MED12L: variants seen among roughly 807,000 people sequenced by gnomAD.
MED12L encodes the protein mediator complex subunit 12L, also known as mediator of RNA polymerase II transcription subunit 12-like protein.
In MED12L, 60 loss-of-function variants were observed where a neutral mutation model predicts 281.3. The observed-to-expected ratio is 0.21, with a 90% CI of 0.17 to 0.26. MED12L has a LOEUF of 0.26. Among genes scored for constraint, MED12L ranks in the 10% least tolerant of loss-of-function variants. The probability of loss-of-function intolerance (pLI) is 1.00; values close to 1 mark genes in which losing one functional copy is unlikely to be tolerated. For missense variants in MED12L, 2,146 were observed against 2,680.9 expected (o/e 0.80, Z 4.41); for synonymous variants, 974 against 987.2 (o/e 0.99, Z 0.25).
intron 4 of MED12L, among the ~76,000 whole-genome samples, chr3:151,125,375 G>A (rs1246971155): frequency 2.0e-5 from 3 of 152,164 alleles, no homozygotes; most frequent in East Asian, 3.9e-4. Flanking sequence ...TGAGGTAGAG[G>A]TTTGCATTGT....
At chr3:151,194,835 G>C (rs903547310) in intron 16 of MED12L, among the ~76,000 whole-genome samples, 2 of 152,056 alleles carry the variant, frequency 1.3e-5, no homozygotes, top group Admixed American at 1.3e-4. Flanking sequence ...ATTTCAGGGA[G>C]TCATTTTTTT....
chr3:151,221,725 C>T (rs1423697695), intron 16 of MED12L, among the ~76,000 whole-genome samples: 1 of 152,226 alleles, frequency 6.6e-6, no homozygotes. Context: ...GCCTGGATGT[C>T]CAGGCAGAAG....
chr3:151,169,732 G>A (rs1721191890), intron 11 of MED12L, among the ~76,000 whole-genome samples: 1 of 152,180 alleles, frequency 6.6e-6, no homozygotes, highest in Admixed American at 6.5e-5. Context: ...GTTACGTGTG[G>A]TTAGGATTCA....
At chr3:151,366,939 T>G (rs894612021) in intron 23 of MED12L, among the ~76,000 whole-genome samples, 29 of 152,306 alleles carry the variant, frequency 1.9e-4, no homozygotes, top group Admixed American at 9.8e-4. Context: ...GTGAACCTTA[T>G]GGTGGTGTGC....
intron 16 of MED12L, among the ~76,000 whole-genome samples, chr3:151,218,762 G>A (rs1217917729): frequency 6.6e-6 from 1 of 150,524 alleles, no homozygotes; most frequent in African/African-American, 2.5e-5. Flanking sequence ...AGTTACTTGG[G>A]AGGCTGAGGC....
chr3:151,339,269 C>A (rs544421972), intron 16 of MED12L, among the ~76,000 whole-genome samples: 17 of 151,982 alleles, frequency 1.1e-4, no homozygotes, highest in African/African-American at 4.1e-4. Context: ...ACTTTTCCCC[C>A]CAACGTCCTT....
At position 151,368,619 on chromosome 3, in the gene MED12L, TATTTTATTTTATTTC is replaced by T. The variant is rs1484200875; in HGVS notation, c.3550+373_3550+387del. Among the ~76,000 whole-genome samples, 223 of 80,678 alleles carry T rather than the reference TATTTTATTTTATTTC, an allele frequency of 2.8e-3. 1 individual carries two copies. The highest frequency in any genetic ancestry group is 3.7e-3 in the Non-Finnish European group (159 of 43,102). 52.9% of individuals were successfully genotyped at this position (80,678 alleles called of 152,430 possible). A position where few individuals can be genotyped will look rare whatever the true frequency, so the allele number is the denominator to read the frequency against. On this transcript the variant is annotated intron_variant, in intron 25 of 44. Coordinates refer to ENST00000687756, the MANE Select transcript of MED12L (RefSeq NM_001393769.1). ...TATTTTATTTTATTTTATTTTATTT[TATTTTATTTTATTTC>T]ATTTCATTTCATTTCATTTCATTTC... is the stretch of plus-strand genomic sequence containing the variant.
chr3:151,341,570 T>A (rs1328372206), intron 16 of MED12L, among the ~76,000 whole-genome samples: 2 of 151,208 alleles, frequency 1.3e-5, no homozygotes, highest in Non-Finnish European at 2.9e-5. Context: ...CTTTAACTTT[T>A]TTTTTTTAAT....
intron 16 of MED12L, among the ~76,000 whole-genome samples, chr3:151,194,228 G>C (rs749310244): frequency 5.3e-5 from 8 of 152,058 alleles, no homozygotes; most frequent in Admixed American, 1.3e-4. Context: ...AGGCCTCTCA[G>C]AGTGCTGGGA....
chr3:151,405,999 C>T (rs1002310184), intron 39 of MED12L, among the ~76,000 whole-genome samples: 11 of 152,132 alleles, frequency 7.2e-5, no homozygotes, highest in African/African-American at 2.7e-4. Flanking sequence ...ATTTACTGAG[C>T]ACTTACTATA....
chr3:151,119,749 G>A (rs1053431084), intron 3 of MED12L, among the ~76,000 whole-genome samples: 1 of 151,964 alleles, frequency 6.6e-6, no homozygotes, highest in South Asian at 2.1e-4. Flanking sequence ...TTACACTTCC[G>A]CTACCACTCT....
intron 40 of MED12L, 52 bp downstream of exon 40, chr3:151,409,384 G>A (rs749336778): frequency 3.3e-6 from 5 of 1,535,198 alleles, no homozygotes; most frequent in Admixed American, 1.7e-5. Context: ...GCTCTTTATT[G>A]GAGGTGGGAA....
chr3:151,163,825 TA>T lies in MED12L; in HGVS notation c.1108-67del, dbSNP rs1400580461. ...TACAGTGATGACAGGGTGTCGTTTT[TA>T]CTGTTTAGCTATTGTTATGCTTTTC... On this transcript the variant is annotated intron_variant, in intron 8 of 44. Transcript: ENST00000687756. 4 of 1,490,994 alleles carry T rather than the reference TA, an allele frequency of 2.7e-6. No individual in the cohort carries two copies. The African/African-American group carries it at 5.6e-5, about 21-fold the overall frequency. The allele number at this position is 1,490,994 out of a possible 1,614,324, so 92.4% of individuals were successfully genotyped here.
chr3:151,402,099 G>C (rs1039153225), intron 39 of MED12L, among the ~76,000 whole-genome samples: 1 of 152,166 alleles, frequency 6.6e-6, no homozygotes, highest in Non-Finnish European at 1.5e-5. Flanking sequence ...ATGTAAAATG[G>C]TGAGAATAGG....
intron 17 of MED12L, 92 bp from the exon 18 acceptor site, chr3:151,355,025 CTGTA>C: frequency 6.1e-6 from 5 of 822,948 alleles, no homozygotes; most frequent in Non-Finnish European, 1.0e-5. Context: ...GTGCACTTTT[CTGTA>C]TGTATGCTAT....
chr3:151,228,311 G>GT (rs11455452), intron 16 of MED12L, among the ~76,000 whole-genome samples: 69,589 of 151,916 alleles, frequency 0.46, 16,629 homozygotes, highest in Middle Eastern at 0.62. Flanking sequence ...GGGAGAAGTA[G>GT]TAGCTACCTC....
At position 151,434,530 on chromosome 3, in the gene MED12L, C is replaced by CT. The variant is rs1321293347; in HGVS notation, c.*1726_*1727insT. On this transcript the variant is annotated 3_prime_UTR_variant, in exon 45 of 45. Coordinates refer to ENST00000687756, the MANE Select transcript of MED12L (RefSeq NM_001393769.1). ...GTCTATCTGCTTTCAGAAGATGTAT[C>CT]ATCTATCTGTACACATTTTTGCTGG... The CT allele has an allele frequency of 1.5e-3, 8 of 5,232 alleles. No homozygotes were observed. The highest frequency in any genetic ancestry group is 2.9e-3 in the African/African-American group (5 of 1,708). 0.3% of individuals were successfully genotyped at this position (5,232 alleles called of 1,614,324 possible).
At chr3:151,138,499 A>G (rs1365886934) in intron 5 of MED12L, among the ~76,000 whole-genome samples, 1 of 152,188 alleles carries the variant, frequency 6.6e-6, no homozygotes, top group African/African-American at 2.4e-5. Flanking sequence ...GTTTTAACCT[A>G]ATGACCCTTT....
intron 16 of MED12L, among the ~76,000 whole-genome samples, chr3:151,238,367 G>A (rs1031301607): frequency 1.3e-5 from 2 of 152,160 alleles, no homozygotes; most frequent in Admixed American, 6.5e-5. Flanking sequence ...GGCTGGTCTC[G>A]AACTCCTGAC....
Sources: gnomAD v4.1 joint callset for allele counts (sites outside exome capture counted in the v4.1 genomes callset) on GRCh38, gnomAD v4.1.1 for gene constraint, MANE v1.5 for transcripts, NCBI Gene and HGNC (gene_info 2026-07-23, HGNC 2026-07-21) for gene names.